HTR6: variants seen among roughly 807,000 people sequenced by gnomAD.
The protein encoded by HTR6 is 5-hydroxytryptamine receptor 6.
In HTR6, 15 loss-of-function variants were observed where a neutral mutation model predicts 17.4. The observed-to-expected ratio is 0.86, with a 90% CI of 0.58 to 1.33. HTR6 has a LOEUF of 1.33. HTR6 is among the 40% of genes most tolerant of loss of function. The pLI is 0.00. For synonymous variants in HTR6, 326 were observed against 295.5 expected, an observed-to-expected ratio of 1.10 and a Z score of -1.06; for missense variants, 578 against 616.0, an observed-to-expected ratio of 0.94 and a Z score of 0.65.
Position 19,666,777 on chromosome 1 carries a change from C to T in HTR6, c.714+310C>T, listed in dbSNP as rs1214658398. 6.6e-6 allele frequency among the ~76,000 whole-genome samples: 1 copy of T among 152,052 alleles called. No homozygotes were observed. Among genetic ancestry groups the T allele is most frequent in the African/African-American group, 2.4e-5 (1 of 41,412 alleles). On this transcript the variant is annotated intron_variant, in intron 1 of 2. Coordinates refer to ENST00000289753, the MANE Select transcript of HTR6 (RefSeq NM_000871.3). The surrounding 1 kb of genome is among the most constrained non-coding windows in gnomAD (Gnocchi z 4.5). Reference sequence around the variant, plus strand: ...GGCAAATGGCACCATTGCGGCATCACATGCCAGGAACTTAGGAATACTTTT... The same window carrying T: ...GGCAAATGGCACCATTGCGGCATCATATGCCAGGAACTTAGGAATACTTTT...
intron 1 of HTR6, among the ~76,000 whole-genome samples, chr1:19,669,791 A>C (rs1412502589): frequency 6.6e-6 from 1 of 152,162 alleles, no homozygotes; most frequent in East Asian, 1.9e-4. Context: ...ACGTGCTGCC[A>C]CGCCCAGCTA....
In HTR6 at chr1:19,678,695, G is replaced by C; in HGVS notation, c.843G>C (p.Trp281Cys). ...TGCTGGGCATGTTCTTTGTGACCTG[G>C]TTGCCCTTCTTTGTGGCCAACATAG... ...GILLGMFFVT[W>C]LPFFVANIVQ... is the part of the protein sequence containing the mutation. Residue 281 changes from tryptophan (W) to cysteine (C), a missense_variant, in exon 2 of 3, where the codon TGG becomes TGC. Trp to Cys is a radical substitution (Grantham distance 215). Coordinates refer to ENST00000289753, the MANE Select transcript of HTR6 (RefSeq NM_000871.3). The C allele has an allele frequency of 6.2e-7, 1 of 1,612,648 alleles. No homozygotes were observed. The highest frequency in any genetic ancestry group is 8.5e-7 in the Non-Finnish European group (1 of 1,178,860).
intron 1 of HTR6, among the ~76,000 whole-genome samples, chr1:19,671,758 T>C (rs936168758): frequency 6.6e-6 from 1 of 152,142 alleles, no homozygotes. Context: ...GGTCAGAACA[T>C]GGGAGCTGGT....
chr1:19,676,013 T>C (rs1485677968), intron 1 of HTR6, among the ~76,000 whole-genome samples: 4 of 152,104 alleles, frequency 2.6e-5, no homozygotes, highest in Non-Finnish European at 4.4e-5. Context: ...AGTCATAGCA[T>C]CTGAGCCGCA....
intron 1 of HTR6, among the ~76,000 whole-genome samples, chr1:19,669,126 C>T (rs979429324): frequency 2.0e-5 from 3 of 152,116 alleles, no homozygotes; most frequent in Non-Finnish European, 2.9e-5. Flanking sequence ...GCTCTGCTCT[C>T]GTGACTAAGG....
intron 1 of HTR6, among the ~76,000 whole-genome samples, chr1:19,669,173 G>A (rs984845206): frequency 6.3e-4 from 96 of 152,134 alleles, no homozygotes; most frequent in African/African-American, 2.2e-3. Context: ...AGGTTGGGGC[G>A]GGAGAGATCA....
In HTR6 at chr1:19,679,295, C is replaced by T. The variant is rs750317366; in HGVS notation, c.1250C>T (p.Ala417Val). 6.2e-7 allele frequency: 1 copy of T among 1,608,258 alleles called. No individual in the cohort carries two copies. The highest frequency in any genetic ancestry group is 1.7e-5 in the Admixed American group (1 of 59,828). Reference sequence around the variant, plus strand: ...CCGCTGCCCACCAGGGCCGCTGCCGCCGTCAATTTCTTCAACATCGACCCC... The same window carrying T: ...CCGCTGCCCACCAGGGCCGCTGCCGTCGTCAATTTCTTCAACATCGACCCC... ...DPPLPTRAAA[A>V]VNFFNIDPAE... The change falls in exon 3 of 3, where the codon GCC becomes GTC. Residue 417 changes from alanine to valine, a missense_variant. Physicochemically the swap from Ala to Val is moderately conservative, Grantham distance 64. Transcript: ENST00000289753. This position sits in a 1 kb window ranked among gnomAD's most constrained non-coding sequence, Gnocchi z 4.9.
Position 19,678,607 on chromosome 1 carries a change from G to A in HTR6, c.755G>A (p.Ser252Asn). The change falls in exon 2 of 3, where the codon AGC becomes AAC. Residue 252 changes from serine to asparagine, a missense_variant. By Grantham distance (46) the Ser-to-Asn change is conservative. Coordinates refer to ENST00000289753, the MANE Select transcript of HTR6 (RefSeq NM_000871.3). ...CGCCCAGGGGTGGAGTCTGCTGACA[G>A]CAGGCGTCTAGCCACGAAGCACAGC... is the stretch of plus-strand genomic sequence containing the variant. ...TPRPGVESAD[S>N]RRLATKHSRK... 1.2e-6 allele frequency: 2 copies of A among 1,613,150 alleles called. No individual in the cohort carries two copies. Among genetic ancestry groups the A allele is most frequent in the South Asian group, 2.2e-5 (2 of 91,038 alleles).
chr1:19,676,621 T>TCCAGAAAGAGCCGGTGTCCTCC (rs1246910484), intron 1 of HTR6, among the ~76,000 whole-genome samples: 1 of 152,152 alleles, frequency 6.6e-6, no homozygotes, highest in Admixed American at 6.6e-5. Flanking sequence ...TCTGGAGGCC[T>TCCAGAAAGAGCCGGTGTCCTCC]AGAAAGAGCC....
Position 19,666,043 on chromosome 1 carries a change from G to T in HTR6, c.290G>T (p.Gly97Val). The change falls in exon 1 of 3, where the codon GGC becomes GTC. Residue 97 changes from glycine (G) to valine (V), a missense_variant. Transcript: ENST00000289753. The surrounding 1 kb of genome is among the most constrained non-coding windows in gnomAD (Gnocchi z 4.5). ...TACGGGCGCTGGGTGCTGGCGCGCG[G>T]CCTCTGCCTGCTCTGGACCGCCTTC... Reference protein sequence around the residue: ...ALYGRWVLARGLCLLWTAFDV... With the variant: ...ALYGRWVLARVLCLLWTAFDV... The T allele has an allele frequency of 6.2e-7, 1 of 1,613,464 alleles. No homozygotes were observed. Among genetic ancestry groups the T allele is most frequent in the Non-Finnish European group, 8.5e-7 (1 of 1,179,842 alleles).
intron 1 of HTR6, among the ~76,000 whole-genome samples, chr1:19,674,801 G>C (rs2095092306): frequency 6.6e-6 from 1 of 152,202 alleles, no homozygotes; most frequent in African/African-American, 2.4e-5. Context: ...TGTGAAGCGT[G>C]CAGACATGAA....
Position 19,679,076 on chromosome 1 carries a change from G to T in HTR6, c.1031G>T (p.Arg344Leu), listed in dbSNP as rs916112642. The change falls in exon 3 of 3, where the codon CGC (arginine) becomes CTC (leucine). Residue 344 changes from arginine (R) to leucine (L), a missense_variant. Physicochemically the swap from Arg to Leu is moderately radical, Grantham distance 102 (BLOSUM62 -2). Transcript: ENST00000289753. The surrounding 1 kb of genome is among the most constrained non-coding windows in gnomAD (Gnocchi z 4.9). ...FLPCPRCPRE[R>L]QASLASPSLR... ...CCATGTCCACGCTGTCCCCGGGAGCGCCAGGCCAGCCTGGCCTCGCCATCA... is the reference window on the plus strand; with the variant it reads ...CCATGTCCACGCTGTCCCCGGGAGCTCCAGGCCAGCCTGGCCTCGCCATCA... 8 of 1,613,816 alleles carry T rather than the reference G, an allele frequency of 5.0e-6. No homozygotes were observed. Among genetic ancestry groups the T allele is most frequent in the Non-Finnish European group, 5.9e-6 (7 of 1,179,872 alleles).
chr1:19,678,421 T>C (rs2095096965), intron 1 of HTR6, 146 bp from the exon 2 acceptor site: 2 of 972,810 alleles, frequency 2.1e-6, no homozygotes, highest in Admixed American at 1.8e-5. Flanking sequence ...AGGACTCTAG[T>C]TGGGACTCAG....
chr1:19,671,724 G>A (rs2095088492), intron 1 of HTR6, among the ~76,000 whole-genome samples: 1 of 152,204 alleles, frequency 6.6e-6, no homozygotes, highest in Non-Finnish European at 1.5e-5. Context: ...CTGGGCATAG[G>A]TCTCGAGGCC....
intron 1 of HTR6, among the ~76,000 whole-genome samples, chr1:19,674,413 T>TC (rs1023457527): frequency 2.0e-5 from 3 of 150,906 alleles, no homozygotes; most frequent in African/African-American, 7.3e-5. Flanking sequence ...TCTCTTTTTT[T>TC]TTTTTTTTTT....
chr1:19,678,467 G>C (rs1216544013), intron 1 of HTR6, 100 bp from the exon 2 acceptor site: 1 of 1,424,444 alleles, frequency 7.0e-7, no homozygotes, highest in African/African-American at 1.4e-5. Context: ...CTGGCACTAG[G>C]GCTCAGTCTA....
chr1:19,678,549 T>C lies in HTR6; in HGVS notation c.715-18T>C, dbSNP rs781277632. 3.1e-6 allele frequency: 5 copies of C among 1,612,140 alleles called. No homozygotes were observed. The South Asian group carries it at 4.4e-5, about 14-fold the overall frequency. On this transcript the variant is annotated intron_variant, in intron 1 of 2. Coordinates refer to ENST00000289753, the MANE Select transcript of HTR6 (RefSeq NM_000871.3). ...GGGGCCCTTTCTCAACGGACTCATGTGGCCTTCCTTTCCGCAGGTGCCCAG... is the reference window on the plus strand; with the variant it reads ...GGGGCCCTTTCTCAACGGACTCATGCGGCCTTCCTTTCCGCAGGTGCCCAG...
At chr1:19,669,119 C>T (rs565002067) in intron 1 of HTR6, among the ~76,000 whole-genome samples, 1 of 152,324 alleles carries the variant, frequency 6.6e-6, no homozygotes, top group East Asian at 1.9e-4. Flanking sequence ...TCAGGAAGCT[C>T]TGCTCTCGTG....
chr1:19,671,818 G>A (rs2095088610), intron 1 of HTR6, among the ~76,000 whole-genome samples: 1 of 152,088 alleles, frequency 6.6e-6, no homozygotes, highest in African/African-American at 2.4e-5. Context: ...ATGGAAATGG[G>A]CTTTTAAAAG....
Sources: gnomAD v4.1 joint callset for allele counts (sites outside exome capture counted in the v4.1 genomes callset) on GRCh38, gnomAD v4.1.1 for gene constraint, Gnocchi (gnomAD v3.1) non-coding constraint, MANE v1.5 for transcripts, NCBI Gene and HGNC (gene_info 2026-07-23, HGNC 2026-07-21) for gene names.